The following KLF15 variants were observed in gnomAD, a reference collection of about 807,000 sequenced individuals.
The protein encoded by KLF15 is KLF transcription factor 15, also known as Krueppel-like factor 15.
KLF15 carries 4 observed loss-of-function variants against 24.6 expected under a neutral mutation model. The observed-to-expected ratio is 0.16, with a 90% CI of 0.08 to 0.37. The LOEUF (loss-of-function observed/expected upper bound fraction) is 0.37. KLF15 is among the 10% of genes least tolerant of loss of function. KLF15 has a pLI of 1.00. For synonymous variants in KLF15, 246 were observed against 236.3 expected, an observed-to-expected ratio of 1.04 and a Z score of -0.37; for missense variants, 496 against 560.6, an observed-to-expected ratio of 0.88 and a Z score of 1.16.
intron 2 of KLF15, among the ~76,000 whole-genome samples, chr3:126,345,570 C>G (rs2082529103): frequency 6.6e-6 from 1 of 151,578 alleles, no homozygotes; most frequent in African/African-American, 2.4e-5. Context: ...CACACACACA[C>G]AGGCACAAAT....
At chr3:126,349,046 C>T (rs959081662) in intron 2 of KLF15, among the ~76,000 whole-genome samples, 1 of 152,158 alleles carries the variant, frequency 6.6e-6, no homozygotes, top group Non-Finnish European at 1.5e-5. Context: ...TGCCCCAAAG[C>T]GGGGTCCATC....
the KLF15 span, among the ~76,000 whole-genome samples, chr3:126,324,523 T>A: frequency 8.8e-6 from 1 of 113,946 alleles, no homozygotes; most frequent in Non-Finnish European, 1.8e-5. Flanking sequence ...TTTTCTGACA[T>A]TGACTTTTTT....
chr3:126,295,492 G>A, the KLF15 span, among the ~76,000 whole-genome samples: 1 of 152,144 alleles, frequency 6.6e-6, no homozygotes, highest in Non-Finnish European at 1.5e-5. Flanking sequence ...ACCAACTCAG[G>A]ATACAAAGTA....
the KLF15 span, among the ~76,000 whole-genome samples, chr3:126,308,294 C>T: frequency 3.3e-5 from 5 of 152,346 alleles, no homozygotes; most frequent in South Asian, 6.2e-4. Flanking sequence ...GGAAAGCTGG[C>T]GGCCTTGCAG....
chr3:126,315,484 C>T, the KLF15 span, among the ~76,000 whole-genome samples: 2 of 152,070 alleles, frequency 1.3e-5, no homozygotes, highest in Admixed American at 1.3e-4. Context: ...CACATCTTGT[C>T]AATATGGAGC....
the KLF15 span, among the ~76,000 whole-genome samples, chr3:126,312,544 G>C: frequency 6.6e-6 from 1 of 152,112 alleles, no homozygotes; most frequent in African/African-American, 2.4e-5. Flanking sequence ...TCTTATGTCT[G>C]ACTCTCCCTT....
the KLF15 span, among the ~76,000 whole-genome samples, chr3:126,297,060 C>A: frequency 6.6e-6 from 1 of 152,200 alleles, no homozygotes; most frequent in Non-Finnish European, 1.5e-5. Flanking sequence ...AGGCATGTGT[C>A]ACTGCGCCTT....
At chr3:126,310,083 T>A in the KLF15 span, among the ~76,000 whole-genome samples, 1 of 152,224 alleles carries the variant, frequency 6.6e-6, no homozygotes, top group Non-Finnish European at 1.5e-5. Flanking sequence ...ACCCTCACAC[T>A]GCAGAAGGCA....
In KLF15 at chr3:126,342,719, C is replaced by T. The variant is rs1206883010; in HGVS notation, c.*1008G>A. 6.6e-6 allele frequency: 1 copy of T among 152,540 alleles called. No homozygotes were observed. The highest frequency in any genetic ancestry group is 2.4e-5 in the African/African-American group (1 of 41,414). The allele number at this position is 152,540 out of a possible 1,614,324, so 9.4% of individuals were successfully genotyped here. A position where few individuals can be genotyped will look rare whatever the true frequency, so the allele number is the denominator to read the frequency against. ...AATATACGTAATTGTAACATATGTA[C>T]ACCAGCTTCATAGATTTTTTTAAAT... On this transcript the variant is annotated 3_prime_UTR_variant, in exon 3 of 3. Coordinates refer to ENST00000296233, the MANE Select transcript of KLF15 (RefSeq NM_014079.4).
At chr3:126,337,599 G>A in the KLF15 span, among the ~76,000 whole-genome samples, 2 of 151,682 alleles carry the variant, frequency 1.3e-5, no homozygotes, top group East Asian at 1.9e-4. Context: ...CTAGTGGGAA[G>A]AGTGCTGTAT....
chr3:126,346,188 C>T (rs1366950168), intron 2 of KLF15, among the ~76,000 whole-genome samples: 1 of 152,174 alleles, frequency 6.6e-6, no homozygotes, highest in East Asian at 1.9e-4. Flanking sequence ...GGACACCTGC[C>T]CCCAGCTGCA....
At chr3:126,326,490 T>G in the KLF15 span, among the ~76,000 whole-genome samples, 1 of 152,238 alleles carries the variant, frequency 6.6e-6, no homozygotes, top group African/African-American at 2.4e-5. Flanking sequence ...AAATAAATTG[T>G]GGTGCCCAGA....
chr3:126,326,540 G>C, the KLF15 span, among the ~76,000 whole-genome samples: 1 of 152,242 alleles, frequency 6.6e-6, no homozygotes, highest in African/African-American at 2.4e-5. Context: ...ACAGGTTGTA[G>C]CTGCTGGGTT....
chr3:126,289,424 A>G, the KLF15 span, among the ~76,000 whole-genome samples: 4 of 152,248 alleles, frequency 2.6e-5, no homozygotes, highest in Non-Finnish European at 2.9e-5. Context: ...TAATGTGCCA[A>G]TGGTTAATAT....
At chr3:126,303,887 T>C in the KLF15 span, among the ~76,000 whole-genome samples, 1 of 152,216 alleles carries the variant, frequency 6.6e-6, no homozygotes, top group African/African-American at 2.4e-5. Flanking sequence ...CATCTCTTTT[T>C]CTGCAACGTG....
the KLF15 span, among the ~76,000 whole-genome samples, chr3:126,303,276 C>T: frequency 1.3e-5 from 2 of 151,930 alleles, no homozygotes; most frequent in African/African-American, 2.4e-5. Flanking sequence ...ATATTTTCAT[C>T]TAGTATAATT....
At chr3:126,319,290 C>A in the KLF15 span, among the ~76,000 whole-genome samples, 1 of 152,190 alleles carries the variant, frequency 6.6e-6, no homozygotes, top group African/African-American at 2.4e-5. Context: ...GTTTTCAATT[C>A]ATTTGGGTAA....
the KLF15 span, among the ~76,000 whole-genome samples, chr3:126,295,830 G>C: frequency 6.6e-6 from 1 of 152,148 alleles, no homozygotes; most frequent in South Asian, 2.1e-4. Flanking sequence ...CCCAGGTGAT[G>C]TTGGTTATGC....
chr3:126,325,946 T>C, the KLF15 span, among the ~76,000 whole-genome samples: 5 of 6,994 alleles, frequency 7.1e-4, no homozygotes, highest in Non-Finnish European at 1.1e-3. Context: ...GGTTTTAGGT[T>C]TAACGTTTAA....
Sources: gnomAD v4.1 joint callset for allele counts (sites outside exome capture counted in the v4.1 genomes callset) on GRCh38, gnomAD v4.1.1 for gene constraint, MANE v1.5 for transcripts, NCBI Gene and HGNC (gene_info 2026-07-23, HGNC 2026-07-21) for gene names.